Variants in SGCZ observed in about 807,000 individuals in gnomAD.
The protein encoded by SGCZ is zeta-sarcoglycan.
A neutral mutation model predicts 41.3 loss-of-function variants in SGCZ; 40 were observed. That is an observed-to-expected ratio of 0.97 (90% CI 0.75 to 1.26). The LOEUF (loss-of-function observed/expected upper bound fraction) is 1.26, where lower values mean the gene tolerates loss of function less well. Among genes scored for constraint, SGCZ ranks in the 50% most tolerant of loss-of-function variants. The pLI, the probability that SGCZ is intolerant of heterozygous loss-of-function variation, is 0.00. For synonymous variants in SGCZ, 206 were observed against 137.5 expected (o/e 1.50, Z -3.49); for missense variants, 552 against 369.8 (o/e 1.49, Z -4.04).
chr8:15,050,294 T>A (rs1441721910), intron 1 of SGCZ, among the ~76,000 whole-genome samples: 1 of 152,156 alleles, frequency 6.6e-6, no homozygotes, highest in African/African-American at 2.4e-5. Context: ...TGAGATGATA[T>A]CAAAGATACA....
chr8:14,896,988 T>C lies in SGCZ; in HGVS notation c.39+340597A>G, dbSNP rs558873427. 2.7e-3 allele frequency among the ~76,000 whole-genome samples: 412 copies of C among 151,464 alleles called. 5 individuals are homozygous for C. The highest frequency in any genetic ancestry group is 1.1e-3 in the Non-Finnish European group (77 of 67,920). ...TTAGTAGAGATGGGCTTCACCACAT[T>C]GGTCAGGCTGGTCTCGAACTCCTGA... On this transcript the variant is annotated intron_variant, in intron 1 of 7. Transcript: ENST00000382080.
intron 2 of SGCZ, among the ~76,000 whole-genome samples, chr8:14,372,240 G>A (rs978129638): frequency 2.2e-4 from 33 of 152,260 alleles, no homozygotes; most frequent in African/African-American, 6.7e-4. Flanking sequence ...CTAAATTTGC[G>A]AAACAGAAGT....
In SGCZ at chr8:14,724,916, A is replaced by G. The variant is rs142224788; in HGVS notation, c.40-169990T>C. Among the ~76,000 whole-genome samples the G allele has an allele frequency of 4.6e-5, 7 of 152,196 alleles. No individual in the cohort carries two copies. The East Asian group carries it at 1.4e-3, about 29-fold the overall frequency. On this transcript the variant is annotated intron_variant, in intron 1 of 7. Transcript: ENST00000382080. ...AATTATTGTCAACCATAGTCGCCCT[A>G]TAGTGCTACTTAATACTAGATCTTA...
At chr8:14,385,161 G>A (rs1563294932) in intron 2 of SGCZ, among the ~76,000 whole-genome samples, 1 of 152,034 alleles carries the variant, frequency 6.6e-6, no homozygotes, top group Non-Finnish European at 1.5e-5. Flanking sequence ...CTCACGATAG[G>A]GGATTTCAAG....
At chr8:14,469,693 G>T (rs1291398752) in intron 2 of SGCZ, among the ~76,000 whole-genome samples, 1 of 151,952 alleles carries the variant, frequency 6.6e-6, no homozygotes, top group East Asian at 1.9e-4. Flanking sequence ...CCTCACCCCT[G>T]GCTTTCAGGG....
intron 2 of SGCZ, among the ~76,000 whole-genome samples, chr8:14,363,324 G>A (rs1371387040): frequency 2.0e-5 from 3 of 152,070 alleles, no homozygotes; most frequent in African/African-American, 4.8e-5. Context: ...GGAAAATACT[G>A]ACTTTCAGAC....
intron 1 of SGCZ, among the ~76,000 whole-genome samples, chr8:15,154,835 T>C (rs984380266): frequency 3.9e-5 from 6 of 152,226 alleles, no homozygotes; most frequent in African/African-American, 1.4e-4. Flanking sequence ...ATAGTCCTTT[T>C]GATGAACATG....
At chr8:14,310,059 C>CCATTGTA (rs1801481958) in intron 3 of SGCZ, among the ~76,000 whole-genome samples, 1 of 152,046 alleles carries the variant, frequency 6.6e-6, no homozygotes, top group African/African-American at 2.4e-5. Context: ...TTCTGTTGTT[C>CCATTGTA]CATTGTATGC....
chr8:14,251,431 A>T (rs568673221), intron 3 of SGCZ, among the ~76,000 whole-genome samples: 2 of 152,196 alleles, frequency 1.3e-5, no homozygotes, highest in Middle Eastern at 6.8e-3. Flanking sequence ...CTCTGTCAAA[A>T]CCATTAAACT....
At chr8:14,915,507 G>A (rs946976934) in intron 1 of SGCZ, among the ~76,000 whole-genome samples, 11 of 152,132 alleles carry the variant, frequency 7.2e-5, no homozygotes, top group African/African-American at 2.7e-4. Flanking sequence ...AGGAACCAGG[G>A]CCTAGACATG....
At chr8:14,991,226 G>A (rs1306767104) in intron 1 of SGCZ, among the ~76,000 whole-genome samples, 3 of 152,034 alleles carry the variant, frequency 2.0e-5, no homozygotes, top group Non-Finnish European at 4.4e-5. Flanking sequence ...TCTGGGGAAG[G>A]TCTTTATTCT....
intron 3 of SGCZ, among the ~76,000 whole-genome samples, chr8:14,297,422 G>T (rs1424874441): frequency 6.6e-6 from 1 of 151,412 alleles, no homozygotes; most frequent in Non-Finnish European, 1.5e-5. Context: ...AGAAATTCCT[G>T]AAAGACATAA....
intron 3 of SGCZ, among the ~76,000 whole-genome samples, chr8:14,308,494 G>A (rs999466918): frequency 6.6e-6 from 1 of 151,984 alleles, no homozygotes; most frequent in Non-Finnish European, 1.5e-5. Context: ...AAGCTTCAAT[G>A]CAGGGTACCA....
chr8:14,580,603 C>A (rs1001635967), intron 1 of SGCZ, among the ~76,000 whole-genome samples: 23 of 152,000 alleles, frequency 1.5e-4, no homozygotes, highest in African/African-American at 5.3e-4. Flanking sequence ...ATTGGAAATA[C>A]AACTGGACTT....
chr8:14,410,167 C>G (rs1311044304), intron 2 of SGCZ, among the ~76,000 whole-genome samples: 3 of 152,106 alleles, frequency 2.0e-5, no homozygotes, highest in Non-Finnish European at 2.9e-5. Flanking sequence ...TTATGATAAT[C>G]TAACAAATTC....
chr8:15,137,479 C>T (rs779961350), intron 1 of SGCZ, among the ~76,000 whole-genome samples: 2 of 152,204 alleles, frequency 1.3e-5, no homozygotes, highest in African/African-American at 4.8e-5. Flanking sequence ...GGCAGCCCCT[C>T]CCATCACAGG....
chr8:14,696,309 G>A (rs571531115), intron 1 of SGCZ, among the ~76,000 whole-genome samples: 33 of 152,172 alleles, frequency 2.2e-4, no homozygotes, highest in Admixed American at 1.6e-3. Context: ...AGCGGTATCA[G>A]GATAAAAGAT....
intron 1 of SGCZ, among the ~76,000 whole-genome samples, chr8:15,188,479 G>C (rs545297505): frequency 6.6e-6 from 1 of 152,198 alleles, no homozygotes; most frequent in South Asian, 2.1e-4. Flanking sequence ...TTTTGTCTTT[G>C]TCTTTCCAGT....
chr8:14,156,463 A>G (rs1329789781), intron 5 of SGCZ, among the ~76,000 whole-genome samples: 1 of 152,122 alleles, frequency 6.6e-6, no homozygotes, highest in East Asian at 1.9e-4. Flanking sequence ...TCCATCTCAG[A>G]AAAAAACAAA....
Sources: allele counts gnomAD v4.1 joint callset (sites outside exome capture counted in the v4.1 genomes callset), GRCh38; gene constraint gnomAD v4.1.1; transcripts MANE v1.5; gene names NCBI Gene and HGNC (gene_info 2026-07-23, HGNC 2026-07-21).